The following MECOM variants were observed in gnomAD, a reference collection of about 807,000 sequenced individuals.
MECOM encodes the protein MDS1 and EVI1 complex locus, also known as histone-lysine N-methyltransferase MECOM.
In MECOM, 13 loss-of-function variants were observed where a neutral mutation model predicts 116.3. The observed-to-expected ratio is 0.11, with a 90% CI of 0.07 to 0.18. The LOEUF (loss-of-function observed/expected upper bound fraction) is 0.18. Among genes scored for constraint, MECOM ranks in the 10% least tolerant of loss-of-function variants. The probability of loss-of-function intolerance (pLI) is 1.00; values close to 1 mark genes in which losing one functional copy is unlikely to be tolerated. For synonymous variants in MECOM, 528 were observed against 535.2 expected (o/e 0.99, Z 0.19); for missense variants, 1,299 against 1,509.0 (o/e 0.86, Z 2.31).
chr3:169,236,896 T>C (rs1754134231), intron 2 of MECOM, among the ~76,000 whole-genome samples: 1 of 152,250 alleles, frequency 6.6e-6, no homozygotes, highest in South Asian at 2.1e-4. Context: ...ACTGAGTCTG[T>C]CACTTGACTT....
intron 2 of MECOM, among the ~76,000 whole-genome samples, chr3:169,204,471 G>A (rs181742916): frequency 6.6e-6 from 1 of 152,192 alleles, no homozygotes; most frequent in Non-Finnish European, 1.5e-5. Flanking sequence ...TATCATCATT[G>A]TTTTGTATAA....
chr3:169,490,231 A>T (rs1416221902), intron 1 of MECOM, among the ~76,000 whole-genome samples: 1 of 152,210 alleles, frequency 6.6e-6, no homozygotes, highest in Non-Finnish European at 1.5e-5. Context: ...TAGCAAAAAT[A>T]GAAATTGAAT....
chr3:169,542,837 T>C (rs1405467765), intron 1 of MECOM, among the ~76,000 whole-genome samples: 2 of 152,230 alleles, frequency 1.3e-5, no homozygotes, highest in Non-Finnish European at 1.5e-5. Context: ...TAATGATCTG[T>C]TTTTACAAAT....
intron 1 of MECOM, among the ~76,000 whole-genome samples, chr3:169,427,167 CT>C (rs1740866771): frequency 6.8e-6 from 1 of 147,700 alleles, no homozygotes; most frequent in South Asian, 2.1e-4. Flanking sequence ...AATATGTAAA[CT>C]TTTTAGTATT....
chr3:169,192,327 G>A (rs546461805), intron 2 of MECOM, among the ~76,000 whole-genome samples: 1 of 152,140 alleles, frequency 6.6e-6, no homozygotes, highest in African/African-American at 2.4e-5. Context: ...TATATCAAAT[G>A]TAACATCATT....
chr3:169,090,746 T>C (rs1719451163), intron 14 of MECOM, among the ~76,000 whole-genome samples: 1 of 151,800 alleles, frequency 6.6e-6, no homozygotes, highest in African/African-American at 2.4e-5. Context: ...TGATACTAGA[T>C]GACATTTGTG....
At chr3:169,620,439 T>C (rs964836346) in intron 1 of MECOM, among the ~76,000 whole-genome samples, 13 of 152,232 alleles carry the variant, frequency 8.5e-5, no homozygotes, top group African/African-American at 2.9e-4. Flanking sequence ...CATTGCTAAA[T>C]CACTCTGCTC....
chr3:169,128,054 C>G lies in MECOM; in HGVS notation c.620G>C (p.Arg207Pro), dbSNP rs768694075. 1.2e-6 allele frequency: 2 copies of G among 1,613,916 alleles called. No individual in the cohort carries two copies. Among genetic ancestry groups the G allele is most frequent in the South Asian group, 2.2e-5 (2 of 91,066 alleles). ...GTCACAGTCTTCGCAGCGATATTGC[C>G]GTTCTTCTGTGAAAACAATTCAGGT... ...ETMAPDIHEE[R>P]QYRCEDCDQL... is the part of the protein sequence containing the mutation. Residue 207 changes from arginine to proline, a missense_variant, in exon 5 of 17, where the codon CGG (arginine) becomes CCG (proline). Physicochemically the swap from Arg to Pro is moderately radical, Grantham distance 103 (BLOSUM62 -2). Around this residue, in one of 6 missense-constraint regions of MECOM, gnomAD observed 374 missense variants for 433.4 expected, o/e 0.86. Coordinates refer to ENST00000651503, the MANE Select transcript of MECOM (RefSeq NM_004991.4).
At chr3:169,152,554 C>A (rs530809336) in intron 2 of MECOM, among the ~76,000 whole-genome samples, 3 of 152,146 alleles carry the variant, frequency 2.0e-5, no homozygotes, top group Non-Finnish European at 4.4e-5. Flanking sequence ...TAGTCCAGCA[C>A]GCTTCTAATT....
intron 12 of MECOM, among the ~76,000 whole-genome samples, chr3:169,097,107 T>C (rs1458901588): frequency 3.3e-5 from 5 of 152,210 alleles, no homozygotes; most frequent in South Asian, 4.2e-4. Flanking sequence ...GAAAACCCTG[T>C]TACAGTAAAC....
chr3:169,161,781 G>GTC (rs58350630), intron 2 of MECOM, among the ~76,000 whole-genome samples: 133 of 150,342 alleles, frequency 8.8e-4, no homozygotes, highest in East Asian at 5.8e-3. Context: ...AAAAAGAAGA[G>GTC]TCTCTCTCTC....
chr3:169,196,611 A>G (rs1444254228), intron 2 of MECOM, among the ~76,000 whole-genome samples: 1 of 152,054 alleles, frequency 6.6e-6, no homozygotes, highest in Non-Finnish European at 1.5e-5. Flanking sequence ...TAGCATTCAC[A>G]CTTTAAATAA....
chr3:169,516,675 C>T (rs994327964), intron 1 of MECOM, among the ~76,000 whole-genome samples: 4 of 152,040 alleles, frequency 2.6e-5, no homozygotes, highest in African/African-American at 9.7e-5. Context: ...ATTCCAGAAC[C>T]CAGCTCTTAA....
chr3:169,379,240 C>T (rs924996627), intron 2 of MECOM, among the ~76,000 whole-genome samples: 6 of 151,336 alleles, frequency 4.0e-5, no homozygotes, highest in Non-Finnish European at 7.4e-5. Flanking sequence ...TACAAAAAGT[C>T]ATTTCTTTGG....
rs184555050 is a variant in MECOM at position 169,642,416 on chromosome 3, C to T, written c.37+20920G>A. Among the ~76,000 whole-genome samples the T allele has an allele frequency of 3.2e-3, 473 of 147,918 alleles. 5 individuals carry two copies. Among genetic ancestry groups the T allele is most frequent in the Non-Finnish European group, 1.7e-3 (112 of 67,422 alleles). On this transcript the variant is annotated intron_variant, in intron 1 of 16. Coordinates refer to ENST00000651503, the MANE Select transcript of MECOM (RefSeq NM_004991.4). ...GAGCCGAGATCGCGCCACTGCCCTC[C>T]AGCCCGGGCAACAGAGCGAGACTCC...
At chr3:169,367,158 C>G (rs533996542) in intron 2 of MECOM, among the ~76,000 whole-genome samples, 71 of 152,038 alleles carry the variant, frequency 4.7e-4, no homozygotes, top group Non-Finnish European at 8.8e-4. Flanking sequence ...ATGCAGAGTG[C>G]TGGATTATGA....
chr3:169,485,948 T>TAC (rs1752199544), intron 1 of MECOM, among the ~76,000 whole-genome samples: 8 of 94,784 alleles, frequency 8.4e-5, no homozygotes, highest in Admixed American at 7.0e-4. Context: ...TATGTATGTA[T>TAC]ATATGTACAT....
chr3:169,502,280 G>T (rs1754635727), intron 1 of MECOM, among the ~76,000 whole-genome samples: 1 of 152,068 alleles, frequency 6.6e-6, no homozygotes, highest in Non-Finnish European at 1.5e-5. Context: ...CTTGCACAGA[G>T]AAATAAAGAT....
At chr3:169,638,535 T>C (rs1773088283) in intron 1 of MECOM, among the ~76,000 whole-genome samples, 1 of 152,220 alleles carries the variant, frequency 6.6e-6, no homozygotes, top group African/African-American at 2.4e-5. Context: ...CAAGTAATCA[T>C]GTATTTACTA....
Sources: allele counts gnomAD v4.1 joint callset (sites outside exome capture counted in the v4.1 genomes callset), GRCh38; gene constraint gnomAD v4.1.1; regional missense constraint gnomAD v4.1.1; transcripts MANE v1.5; gene names NCBI Gene and HGNC (gene_info 2026-07-23, HGNC 2026-07-21).